Variants in FARP1 observed in about 807,000 individuals in gnomAD.
The protein encoded by FARP1 is FERM, ARHGEF and pleckstrin domain-containing protein 1.
In FARP1, 52 loss-of-function variants were observed where a neutral mutation model predicts 128.8. That is an observed-to-expected ratio of 0.40 (90% CI 0.32 to 0.51). The LOEUF is 0.51. Ranked by LOEUF, FARP1 falls within the 20% of genes least tolerant of loss-of-function variation. The pLI, the probability that FARP1 is intolerant of heterozygous loss-of-function variation, is 0.45. For synonymous variants in FARP1, 580 were observed against 551.8 expected (o/e 1.05, Z -0.72); for missense variants, 1,333 against 1,367.9 (o/e 0.97, Z 0.40).
intron 24 of FARP1, among the ~76,000 whole-genome samples, chr13:98,441,264 G>T (rs1892513635): frequency 6.6e-6 from 1 of 152,236 alleles, no homozygotes; most frequent in Non-Finnish European, 1.5e-5. Context: ...ACGATGGCAA[G>T]CAGGTGCCAG....
chr13:98,271,718 A>G (rs1457323745), intron 2 of FARP1, among the ~76,000 whole-genome samples: 2 of 152,190 alleles, frequency 1.3e-5, no homozygotes, highest in Admixed American at 1.3e-4. Flanking sequence ...AGCTTCATCC[A>G]TGTCCCTGCA....
At chr13:98,404,360 G>A (rs1392733595) in intron 13 of FARP1, 1 of 152,066 alleles carries the variant, frequency 6.6e-6, no homozygotes, top group Non-Finnish European at 1.5e-5. Context: ...TTTTCTTGTG[G>A]AACTTTGTAA....
intron 2 of FARP1, among the ~76,000 whole-genome samples, chr13:98,252,199 G>T (rs1196399956): frequency 4.6e-5 from 7 of 152,118 alleles, no homozygotes; most frequent in African/African-American, 1.7e-4. Context: ...TAGCATATTA[G>T]GAGATTAGAG....
chr13:98,287,117 TTTTCC>T (rs1885208239), intron 2 of FARP1, among the ~76,000 whole-genome samples: 1 of 151,876 alleles, frequency 6.6e-6, no homozygotes, highest in Non-Finnish European at 1.5e-5. Context: ...AAATGTTCGC[TTTTCC>T]TTTCATCTTC....
chr13:98,218,758 T>G lies in FARP1; in HGVS notation c.171+5345T>G, dbSNP rs1363937164. 7.9e-5 allele frequency among the ~76,000 whole-genome samples: 12 copies of G among 152,288 alleles called. No homozygotes were observed. In the East Asian group the frequency reaches 1.2e-3, roughly 15 times the overall value. On this transcript the variant is annotated intron_variant, in intron 2 of 26. Coordinates refer to ENST00000319562, the MANE Select transcript of FARP1 (RefSeq NM_005766.4). ...TTTTCATAAAACTCACTGCACTCCA[T>G]GCTGCACTCCAGGCTGAACTCTATG...
Position 98,395,339 on chromosome 13 carries a change from C to CGAGCCCTGCGCCGAGGAG in FARP1, c.1278_1295dup (p.Pro430_Ala435dup). 1 of 1,611,116 alleles carries CGAGCCCTGCGCCGAGGAG rather than the reference C, an allele frequency of 6.2e-7. No individual in the cohort carries two copies. ...TCCGCCGGGGAGCCGGGGTCGCACC[C>CGAGCCCTGCGCCGAGGAG]GAGCCCTGCGCCGAGGAGAAGCCCC... On this transcript the variant is annotated inframe_insertion, in exon 13 of 27. Coordinates refer to ENST00000319562, the MANE Select transcript of FARP1 (RefSeq NM_005766.4).
chr13:98,291,147 A>G (rs1006278), intron 2 of FARP1, among the ~76,000 whole-genome samples: 2,154 of 152,316 alleles, frequency 0.014, 17 homozygotes, highest in South Asian at 0.035. Flanking sequence ...AAGCCTTACC[A>G]ATAACATAGT....
At chr13:98,388,349 T>G in intron 8 of FARP1, 34 bp from the exon 9 acceptor site, 1 of 1,543,758 alleles carries the variant, frequency 6.5e-7, no homozygotes, top group Non-Finnish European at 9.0e-7. Flanking sequence ...TTGTTATGCA[T>G]TTCCTGGCTC....
intron 2 of FARP1, among the ~76,000 whole-genome samples, chr13:98,293,346 C>T (rs1231692790): frequency 6.6e-6 from 1 of 152,176 alleles, no homozygotes; most frequent in South Asian, 2.1e-4. Flanking sequence ...CATAGCAGAG[C>T]CATGTTGTGC....
intron 2 of FARP1, among the ~76,000 whole-genome samples, chr13:98,257,394 G>A (rs1419335501): frequency 2.0e-5 from 3 of 152,034 alleles, no homozygotes; most frequent in South Asian, 2.1e-4. Context: ...TCTTTTCCTC[G>A]TCTGTTTTGT....
chr13:98,319,831 C>G (rs1181682190), intron 2 of FARP1, among the ~76,000 whole-genome samples: 1 of 151,776 alleles, frequency 6.6e-6, no homozygotes, highest in Non-Finnish European at 1.5e-5. Flanking sequence ...TGGATACCTA[C>G]AGTTGCTGGG....
chr13:98,380,029 T>C (rs1428725803), intron 6 of FARP1, among the ~76,000 whole-genome samples: 4 of 152,222 alleles, frequency 2.6e-5, no homozygotes, highest in East Asian at 1.9e-4. Flanking sequence ...CTTCATAAAA[T>C]GTCTCTGACC....
chr13:98,428,837 TACA>T (rs1187848297), intron 17 of FARP1, among the ~76,000 whole-genome samples: 1 of 152,234 alleles, frequency 6.6e-6, no homozygotes, highest in Non-Finnish European at 1.5e-5. Flanking sequence ...GCCAGGATGT[TACA>T]ACATGATGAT....
chr13:98,305,332 C>CTTTTT (rs34321434), intron 2 of FARP1, among the ~76,000 whole-genome samples: 32 of 145,954 alleles, frequency 2.2e-4, no homozygotes, highest in African/African-American at 8.1e-4. Flanking sequence ...GAATTTCTTT[C>CTTTTT]TTTTTTTTTT....
chr13:98,296,107 C>T lies in FARP1; in HGVS notation c.172-47655C>T, dbSNP rs577538787. ...AGCTTTGGGGATGAGACCCGAGCAT[C>T]GATACATTATTTTAAAGAGCTTCCA... On this transcript the variant is annotated intron_variant, in intron 2 of 26. Coordinates refer to ENST00000319562, the MANE Select transcript of FARP1 (RefSeq NM_005766.4). Among the ~76,000 whole-genome samples the T allele has an allele frequency of 2.3e-4, 35 of 152,188 alleles. No individual in the cohort carries two copies. The South Asian group carries it at 6.9e-3, about 30-fold the overall frequency.
intron 3 of FARP1, among the ~76,000 whole-genome samples, chr13:98,353,213 C>T (rs1888507640): frequency 6.6e-6 from 1 of 152,038 alleles, no homozygotes; most frequent in African/African-American, 2.4e-5. Context: ...ACATTACAGA[C>T]TTATGCAGTT....
intron 1 of FARP1, among the ~76,000 whole-genome samples, chr13:98,194,179 C>A (rs1220952766): frequency 6.6e-6 from 1 of 152,062 alleles, no homozygotes; most frequent in African/African-American, 2.4e-5. Flanking sequence ...CGCAATGGCA[C>A]AATCTCGGCT....
intron 1 of FARP1, among the ~76,000 whole-genome samples, chr13:98,164,045 CT>C (rs1346401472): frequency 6.6e-6 from 1 of 150,904 alleles, no homozygotes; most frequent in African/African-American, 2.4e-5. Context: ...GATTATCCTT[CT>C]TTAGCTTAAT....
intron 1 of FARP1, among the ~76,000 whole-genome samples, chr13:98,212,622 G>GT (rs1880798730): frequency 1.3e-5 from 2 of 151,550 alleles, no homozygotes; most frequent in East Asian, 3.9e-4. Context: ...TAGTTGGGGG[G>GT]GTGGGTGGCT....
Sources: gnomAD v4.1 joint callset for allele counts (sites outside exome capture counted in the v4.1 genomes callset) on GRCh38, gnomAD v4.1.1 for gene constraint, MANE v1.5 for transcripts, NCBI Gene and HGNC (gene_info 2026-07-23, HGNC 2026-07-21) for gene names.